CYSLTR1: variants seen among roughly 807,000 people sequenced by gnomAD.
CYSLTR1 encodes cysteinyl leukotriene receptor 1, also known as G-protein coupled receptor HG55.
Under a neutral mutation model 2.1 loss-of-function variants are expected in CYSLTR1, and 1 was observed. The observed-to-expected ratio is 0.48, with a 90% CI of 0.17 to 2.28. The LOEUF is 2.28. Ranked by LOEUF, CYSLTR1 falls within the 30% of genes most tolerant of loss-of-function variation. CYSLTR1 has a pLI of 0.26. For synonymous variants in CYSLTR1, 110 were observed against 89.6 expected (o/e 1.23, Z -1.28); for missense variants, 299 against 250.1 (o/e 1.20, Z -1.32).
intron 2 of CYSLTR1, among the ~76,000 whole-genome samples, chrX:78,281,321 C>T (rs1309791960): frequency 1.8e-5 from 2 of 108,262 alleles, no homozygotes; most frequent in Admixed American, 9.9e-5. Flanking sequence ...GGCTGGAGTG[C>T]AATGGCACAA....
At chrX:78,300,687 A>G (rs1922781106) in intron 1 of CYSLTR1, among the ~76,000 whole-genome samples, 1 of 112,913 alleles carries the variant, frequency 8.9e-6, no homozygotes, top group Admixed American at 9.3e-5. Context: ...TGTAGCTCCC[A>G]TAATTCCCAT....
chrX:78,325,366 G>A (rs1256722121), intron 1 of CYSLTR1, among the ~76,000 whole-genome samples: 3 of 111,844 alleles, frequency 2.7e-5, no homozygotes, highest in African/African-American at 9.7e-5. Context: ...TTTGTTATAT[G>A]TTTATCCACC....
At chrX:78,312,821 C>T (rs1272874341) in intron 1 of CYSLTR1, among the ~76,000 whole-genome samples, 2 of 111,932 alleles carry the variant, frequency 1.8e-5, no homozygotes, top group East Asian at 2.8e-4. Flanking sequence ...ATAACAGATG[C>T]TGGTGAGGCT....
chrX:78,305,112 AG>A (rs1922979131), intron 1 of CYSLTR1, among the ~76,000 whole-genome samples: 1 of 111,473 alleles, frequency 9.0e-6, no homozygotes, highest in African/African-American at 3.3e-5. Context: ...TACTCTATAG[AG>A]TTTCTAACAG....
chrX:78,311,338 T>A (rs1291156422), intron 1 of CYSLTR1, among the ~76,000 whole-genome samples: 2 of 111,187 alleles, frequency 1.8e-5, no homozygotes, highest in Admixed American at 9.6e-5. Context: ...TTGTGTGATT[T>A]ATTCCAGTAG....
chrX:78,292,366 G>C (rs1319325171), intron 1 of CYSLTR1, among the ~76,000 whole-genome samples: 1 of 112,036 alleles, frequency 8.9e-6, no homozygotes, highest in Non-Finnish European at 1.9e-5. Context: ...TTTTACATTT[G>C]CTAAGGAGTG....
intron 1 of CYSLTR1, among the ~76,000 whole-genome samples, chrX:78,324,333 A>T (rs1923781505): frequency 8.9e-6 from 1 of 112,403 alleles, no homozygotes; most frequent in Non-Finnish European, 1.9e-5. Flanking sequence ...ACTTCTTGCT[A>T]TGAGTCTATC....
intron 1 of CYSLTR1, among the ~76,000 whole-genome samples, chrX:78,313,710 T>C (rs1451057153): frequency 9.0e-6 from 1 of 110,727 alleles, no homozygotes; most frequent in Non-Finnish European, 1.9e-5. Flanking sequence ...AATAAGGCCC[T>C]GGACGTGGGC....
intron 1 of CYSLTR1, among the ~76,000 whole-genome samples, chrX:78,313,397 C>A (rs1441133648): frequency 9.0e-6 from 1 of 111,197 alleles, no homozygotes; most frequent in Non-Finnish European, 1.9e-5. Context: ...ATCATTTGTA[C>A]CCCAAACCTC....
At chrX:78,321,011 C>T in intron 1 of CYSLTR1, 1 of 111,118 alleles carries the variant, frequency 9.0e-6, no homozygotes, top group South Asian at 3.8e-4. Context: ...TTGCTTTCTT[C>T]ATTTTTTGCT....
At chrX:78,295,948 G>C (rs1342276068) in intron 1 of CYSLTR1, among the ~76,000 whole-genome samples, 1 of 110,830 alleles carries the variant, frequency 9.0e-6, no homozygotes, top group African/African-American at 3.3e-5. Context: ...GTGCTTGTAG[G>C]GTATTACTCA....
intron 1 of CYSLTR1, among the ~76,000 whole-genome samples, chrX:78,292,121 C>T (rs778379953): frequency 2.7e-5 from 3 of 111,966 alleles, no homozygotes; most frequent in Non-Finnish European, 5.6e-5. Context: ...TATAAATTTT[C>T]CTCTACAAAC....
At chrX:78,299,236 C>T (rs1922711294) in intron 1 of CYSLTR1, among the ~76,000 whole-genome samples, 1 of 111,620 alleles carries the variant, frequency 9.0e-6, no homozygotes, top group African/African-American at 3.2e-5. Flanking sequence ...TCTTATTGTA[C>T]AAAATATGTC....
At chrX:78,326,827 A>G (rs1400758424) in intron 1 of CYSLTR1, among the ~76,000 whole-genome samples, 1 of 111,817 alleles carries the variant, frequency 8.9e-6, no homozygotes, top group Admixed American at 9.5e-5. Flanking sequence ...TACCTTGTCT[A>G]AATTATAGGA....
chrX:78,274,933 G>C (rs1276626201), intron 2 of CYSLTR1, among the ~76,000 whole-genome samples: 100 of 111,355 alleles, frequency 9.0e-4, no homozygotes, highest in African/African-American at 2.1e-3. Context: ...TGAACAGACA[G>C]TTCTCAAAAG....
intron 2 of CYSLTR1, among the ~76,000 whole-genome samples, chrX:78,277,827 G>T (rs1921663729): frequency 8.9e-6 from 1 of 111,912 alleles, no homozygotes; most frequent in African/African-American, 3.2e-5. Flanking sequence ...AAACAAGAAA[G>T]AACCAGTGGG....
At chrX:78,300,149 T>C (rs1172910925) in intron 1 of CYSLTR1, among the ~76,000 whole-genome samples, 3 of 112,490 alleles carry the variant, frequency 2.7e-5, no homozygotes, top group Non-Finnish European at 5.6e-5. Flanking sequence ...TCTTTTAAAT[T>C]ATTTTAATCT....
chrX:78,314,541 A>G (rs1923335494), intron 1 of CYSLTR1, among the ~76,000 whole-genome samples: 1 of 111,661 alleles, frequency 9.0e-6, no homozygotes, highest in South Asian at 3.8e-4. Flanking sequence ...ACAGCTTTGA[A>G]TTACCAATGC....
chrX:78,310,367 T>C lies in CYSLTR1; in HGVS notation c.-115+16938A>G, dbSNP rs182245938. On this transcript the variant is annotated intron_variant, in intron 1 of 2. Transcript: ENST00000373304. ...GTATTGCCATTTATAAAATGCCCTT[T>C]GTCGTCATCACTATTATATGTAATT... Among the ~76,000 whole-genome samples, 209 of 112,347 alleles carry C rather than the reference T, an allele frequency of 1.9e-3. 1 individual carries two copies. Among genetic ancestry groups the C allele is most frequent in the African/African-American group, 5.9e-3 (184 of 30,982 alleles).
Sources: gnomAD v4.1 joint callset for allele counts (sites outside exome capture counted in the v4.1 genomes callset) on GRCh38, gnomAD v4.1.1 for gene constraint, MANE v1.5 for transcripts, NCBI Gene and HGNC (gene_info 2026-07-23, HGNC 2026-07-21) for gene names.